XPR1: variants seen among roughly 807,000 people sequenced by gnomAD.
The protein encoded by XPR1 is solute carrier family 53 member 1.
Under a neutral mutation model 87.5 loss-of-function variants are expected in XPR1, and 28 were observed. The observed-to-expected ratio is 0.32, with a 90% CI of 0.24 to 0.44. The LOEUF (loss-of-function observed/expected upper bound fraction) is 0.44. XPR1 is among the 20% of genes least tolerant of loss of function. The probability of loss-of-function intolerance (pLI) is 1.00; values close to 1 mark genes in which losing one functional copy is unlikely to be tolerated. For synonymous variants in XPR1, 300 were observed against 306.1 expected (o/e 0.98, Z 0.21); for missense variants, 559 against 862.3 (o/e 0.65, Z 4.41).
chr1:180,661,643 G>A (rs1358271815), intron 1 of XPR1, among the ~76,000 whole-genome samples: 1 of 152,072 alleles, frequency 6.6e-6, no homozygotes, highest in Middle Eastern at 3.2e-3. Context: ...GCCAAGGGGG[G>A]CAGATCACCT....
chr1:180,745,772 G>T (rs1659070180), intron 2 of XPR1, among the ~76,000 whole-genome samples: 1 of 152,194 alleles, frequency 6.6e-6, no homozygotes, highest in Admixed American at 6.5e-5. Flanking sequence ...TGCTGGTTTG[G>T]TGGCACTTTG....
intron 3 of XPR1, among the ~76,000 whole-genome samples, chr1:180,792,211 C>T (rs1300672863): frequency 2.6e-5 from 4 of 152,136 alleles, no homozygotes. Flanking sequence ...TAATAACTCA[C>T]CTCCACCCAC....
chr1:180,877,411 G>A (rs562729628), intron 13 of XPR1, among the ~76,000 whole-genome samples: 41 of 152,204 alleles, frequency 2.7e-4, no homozygotes, highest in African/African-American at 9.9e-4. Flanking sequence ...TATGACAAAG[G>A]TGGCTACATA....
At chr1:180,777,807 A>G (rs1648781874) in intron 2 of XPR1, among the ~76,000 whole-genome samples, 1 of 152,162 alleles carries the variant, frequency 6.6e-6, no homozygotes, top group Non-Finnish European at 1.5e-5. Flanking sequence ...TTGATGGAGC[A>G]TGGTCATATA....
chr1:180,774,757 G>T (rs997994644), intron 2 of XPR1, among the ~76,000 whole-genome samples: 2 of 152,060 alleles, frequency 1.3e-5, no homozygotes, highest in African/African-American at 4.8e-5. Flanking sequence ...CATCATAAAT[G>T]TGTTTTCTCT....
chr1:180,762,014 C>G (rs565886332), intron 2 of XPR1, among the ~76,000 whole-genome samples: 6 of 151,432 alleles, frequency 4.0e-5, no homozygotes, highest in Admixed American at 4.0e-4. Flanking sequence ...AGCAAACTAT[C>G]GCAAGGACAA....
At chr1:180,745,827 C>T (rs1160868281) in intron 2 of XPR1, among the ~76,000 whole-genome samples, 3 of 152,200 alleles carry the variant, frequency 2.0e-5, no homozygotes, top group Non-Finnish European at 2.9e-5. Context: ...CACATAGTTG[C>T]TGCATACATT....
At chr1:180,851,369 A>G (rs1337482583) in intron 11 of XPR1, among the ~76,000 whole-genome samples, 1 of 152,186 alleles carries the variant, frequency 6.6e-6, no homozygotes, top group Non-Finnish European at 1.5e-5. Context: ...GTGGAGGAGT[A>G]GAGGGTAAGA....
intron 14 of XPR1, among the ~76,000 whole-genome samples, chr1:180,883,158 G>T (rs1224250261): frequency 6.9e-6 from 1 of 144,904 alleles, no homozygotes; most frequent in Non-Finnish European, 1.5e-5. Context: ...TTAAGACAGG[G>T]TCTCACTGTG....
rs71297873 is a variant in XPR1, at chr1:180,748,400, C to CTTTTTTTTTTTTTTTTTT, written c.122-39335_122-39318dup. Among the ~76,000 whole-genome samples the CTTTTTTTTTTTTTTTTTT allele has an allele frequency of 9.4e-4, 28 of 29,684 alleles. 8 individuals carry two copies. Among genetic ancestry groups the CTTTTTTTTTTTTTTTTTT allele is most frequent in the East Asian group, 3.2e-3 (2 of 630 alleles). The allele number at this position is 29,684 out of a possible 152,430, so 19.5% of individuals were successfully genotyped here. ...TGCTACTCTGTGTTATTATTTATGT[C>CTTTTTTTTTTTTTTTTTT]TTTTTTTTTTTTTTTTTTTTTTTTT... On this transcript the variant is annotated intron_variant, in intron 2 of 14. Coordinates refer to ENST00000367590, the MANE Select transcript of XPR1 (RefSeq NM_004736.4).
chr1:180,817,999 A>G (rs1170320409), intron 7 of XPR1, among the ~76,000 whole-genome samples: 1 of 133,314 alleles, frequency 7.5e-6, no homozygotes, highest in Admixed American at 7.6e-5. Context: ...ACTCCAGGAT[A>G]TAAGTGAAAA....
chr1:180,802,126 T>G (rs12083109), intron 3 of XPR1, among the ~76,000 whole-genome samples: 2,595 of 152,122 alleles, frequency 0.017, 68 homozygotes, highest in African/African-American at 0.059. Flanking sequence ...CCTCATTTAA[T>G]CTTTACAACC....
intron 3 of XPR1, among the ~76,000 whole-genome samples, chr1:180,789,536 A>G (rs1022916617): frequency 1.3e-5 from 2 of 151,800 alleles, no homozygotes; most frequent in Middle Eastern, 3.4e-3. Context: ...ATTTTATTTC[A>G]GTTTATCATA....
chr1:180,886,782 C>G lies in XPR1; in HGVS notation c.*2716C>G, dbSNP rs1162548489. 1 of 152,214 alleles carries G rather than the reference C, an allele frequency of 6.6e-6. No homozygotes were observed. The highest frequency in any genetic ancestry group is 6.5e-5 in the Admixed American group (1 of 15,284). The allele number at this position is 152,214 out of a possible 1,614,324, so 9.4% of individuals were successfully genotyped here. On this transcript the variant is annotated 3_prime_UTR_variant, in exon 15 of 15. Coordinates refer to ENST00000367590, the MANE Select transcript of XPR1 (RefSeq NM_004736.4). ...CAAAAAAGGCAATGTGCACTTTCCT[C>G]TCCTAAATTTTATATGCCCTAGCAG...
At chr1:180,750,810 A>G (rs1466427816) in intron 2 of XPR1, among the ~76,000 whole-genome samples, 1 of 151,996 alleles carries the variant, frequency 6.6e-6, no homozygotes, top group Non-Finnish European at 1.5e-5. Context: ...ATTGCACTGA[A>G]TCTATAGATT....
intron 11 of XPR1, among the ~76,000 whole-genome samples, chr1:180,837,491 G>A (rs987545272): frequency 6.6e-6 from 1 of 151,760 alleles, no homozygotes; most frequent in African/African-American, 2.4e-5. Context: ...TTAATTGAGA[G>A]ACTATATTTT....
chr1:180,881,410 G>A (rs1008180232), intron 14 of XPR1, among the ~76,000 whole-genome samples: 10 of 152,238 alleles, frequency 6.6e-5, no homozygotes, highest in African/African-American at 2.2e-4. Flanking sequence ...TGATCCGCCC[G>A]CATTGGCCTC....
intron 9 of XPR1, among the ~76,000 whole-genome samples, chr1:180,828,246 A>G (rs1227648123): frequency 6.6e-6 from 1 of 152,184 alleles, no homozygotes; most frequent in African/African-American, 2.4e-5. Flanking sequence ...TTATATCCAT[A>G]TTTATATTGG....
At chr1:180,698,356 T>C (rs531727595) in intron 2 of XPR1, among the ~76,000 whole-genome samples, 9 of 152,300 alleles carry the variant, frequency 5.9e-5, no homozygotes, top group Admixed American at 2.0e-4. Flanking sequence ...TATAGGTGGA[T>C]CATGTTTAAA....
Sources: allele counts gnomAD v4.1 joint callset (sites outside exome capture counted in the v4.1 genomes callset), GRCh38; gene constraint gnomAD v4.1.1; transcripts MANE v1.5; gene names NCBI Gene and HGNC (gene_info 2026-07-23, HGNC 2026-07-21).